The following MLXIPL variants were observed in gnomAD, a reference collection of about 807,000 sequenced individuals.
The protein encoded by MLXIPL is MLX interacting protein like.
In MLXIPL, 49 loss-of-function variants were observed where a neutral mutation model predicts 81.5. That is an observed-to-expected ratio of 0.60 (90% CI 0.48 to 0.76). The LOEUF (loss-of-function observed/expected upper bound fraction) is 0.76. Among genes scored for constraint, MLXIPL ranks in the 30% least tolerant of loss-of-function variants. The probability of loss-of-function intolerance (pLI) is 0.00; values close to 1 mark genes in which losing one functional copy is unlikely to be tolerated. For missense variants in MLXIPL, 1,053 were observed against 1,167.0 expected, an observed-to-expected ratio of 0.90 and a Z score of 1.42; for synonymous variants, 466 against 485.5, an observed-to-expected ratio of 0.96 and a Z score of 0.53.
At position 73,596,066 on chromosome 7, in the gene MLXIPL, C is replaced by T. The variant is rs565316911; in HGVS notation, c.2058+87G>A. ...TGGGAGGAGGCAAGAGTGTCTGGAG[C>T]ACTCCCCTGCAATTGAGTTTTGGGT... On this transcript the variant is annotated intron_variant, in intron 13 of 16. Coordinates refer to ENST00000313375, the MANE Select transcript of MLXIPL (RefSeq NM_032951.3). The surrounding 1 kb of genome is among the most constrained non-coding windows in gnomAD (Gnocchi z 4.7). The T allele has an allele frequency of 2.3e-5, 37 of 1,597,680 alleles. No homozygotes were observed. The South Asian group carries it at 3.9e-4, about 17-fold the overall frequency.
chr7:73,633,080 C>CTTTT, the MLXIPL span, among the ~76,000 whole-genome samples: 3 of 135,276 alleles, frequency 2.2e-5, no homozygotes, highest in Non-Finnish European at 3.2e-5. Flanking sequence ...CCCACCCTAC[C>CTTTT]TTTTTTTTTT....
intron 2 of MLXIPL, among the ~76,000 whole-genome samples, chr7:73,612,060 T>G (rs1363459206): frequency 6.6e-6 from 1 of 152,090 alleles, no homozygotes; most frequent in African/African-American, 2.4e-5. Context: ...GTGTGGTGGC[T>G]CACGCCTGTA....
chr7:73,606,016 A>C lies in MLXIPL; in HGVS notation c.714T>G (p.Gly238=). The change falls in exon 6 of 17, where the codon GGT becomes GGG. Residue 238 remains glycine (G), a synonymous_variant. Coordinates refer to ENST00000313375, the MANE Select transcript of MLXIPL (RefSeq NM_032951.3). ...AATTGAGGTCCAGGAGCTGCCGCCC[A>C]CCCGGCTCCTCCTCTGGGTCCCCCA... ...VLLGDPEEEP[G]GRQLLDLNCF... is the part of the protein sequence containing the mutation. 6 of 1,586,842 alleles carry C rather than the reference A, an allele frequency of 3.8e-6. No homozygotes were observed. Among genetic ancestry groups the C allele is most frequent in the Non-Finnish European group, 5.1e-6 (6 of 1,166,430 alleles).
intron 2 of MLXIPL, among the ~76,000 whole-genome samples, chr7:73,607,992 G>A (rs1305470466): frequency 1.3e-5 from 2 of 151,612 alleles, no homozygotes; most frequent in Admixed American, 1.3e-4. Flanking sequence ...GAGTAGCTGG[G>A]ATTACAGGCG....
chr7:73,607,722 C>G, intron 2 of MLXIPL, 50 bp from the exon 3 acceptor site: 7 of 1,540,890 alleles, frequency 4.5e-6, no homozygotes, highest in Non-Finnish European at 6.3e-6. Flanking sequence ...CATCCCCCAC[C>G]TCACCCCAGG....
In MLXIPL at chr7:73,596,367, G is replaced by T; in HGVS notation, c.1935C>A (p.Asn645Lys). The change falls in exon 12 of 17, where the codon AAC (asparagine) becomes AAA (lysine). Residue 645 changes from asparagine to lysine, a missense_variant. This residue lies in a region of MLXIPL where 823 missense variants were observed against 933.0 expected (regional missense o/e 0.88). Transcript: ENST00000313375. This position sits in a 1 kb window ranked among gnomAD's most constrained non-coding sequence, Gnocchi z 4.7. ...PILSRGRPDS[N>K]KTENRRITHI... ...TGGGGTGGGGGATGGTGCCCACCTT[G>T]TTGCTGTCTGGACGGCCCCGGCTGA... 1 of 1,613,048 alleles carries T rather than the reference G, an allele frequency of 6.2e-7. No homozygotes were observed. The highest frequency in any genetic ancestry group is 8.5e-7 in the Non-Finnish European group (1 of 1,179,894).
chr7:73,628,451 C>T (rs527704282), upstream of MLXIPL, among the ~76,000 whole-genome samples: 10 of 152,304 alleles, frequency 6.6e-5, no homozygotes, highest in South Asian at 1.9e-3. Context: ...TGCAAAACAT[C>T]CAAACACTAG....
intron 16 of MLXIPL, 122 bp from the exon 17 acceptor site, chr7:73,594,105 C>A (rs1794070077): frequency 1.4e-6 from 2 of 1,381,148 alleles, no homozygotes; most frequent in East Asian, 4.6e-5. Context: ...CCTCCTAGAA[C>A]CTCTGTCTAC....
intron 2 of MLXIPL, 141 bp from the exon 3 acceptor site, chr7:73,607,813 G>C: frequency 1.5e-6 from 1 of 652,972 alleles, no homozygotes; most frequent in East Asian, 2.8e-5. Flanking sequence ...GCCTCCTCCA[G>C]GAAGTCTTCT....
chr7:73,607,411 G>A lies in MLXIPL; in HGVS notation c.493C>T (p.Leu165=). The change falls in exon 4 of 17, where the codon CTG becomes TTG. Residue 165 remains leucine, a synonymous_variant. Transcript: ENST00000313375. ...DAHRKPEAVV[L]EGNYWKRRIE... Reference sequence around the variant, plus strand: ...CGCCGCTTCCAGTAGTTCCCCTCCAGGACCACGGCCTGGGGTAGGGGCCGG... The same window carrying A: ...CGCCGCTTCCAGTAGTTCCCCTCCAAGACCACGGCCTGGGGTAGGGGCCGG... 1 of 1,557,570 alleles carries A rather than the reference G, an allele frequency of 6.4e-7. No homozygotes were observed.
rs1326778566 is a variant in MLXIPL at position 73,624,256 on chromosome 7, C to T, written c.237G>A (p.Pro79=). The change falls in exon 1 of 17, where the codon CCG becomes CCA. Residue 79 remains proline (P), a synonymous_variant. Coordinates refer to ENST00000313375, the MANE Select transcript of MLXIPL (RefSeq NM_032951.3). ...GTGTGAGTGTGGGGTCGATACTGCG[C>T]GGCCCGAAGTCGGAGGGCCCCACGG... ...EGSVGPSDFG[P]RSIDPTLTRL... 6.3e-7 allele frequency: 1 copy of T among 1,596,068 alleles called. No homozygotes were observed.
chr7:73,607,386 C>A lies in MLXIPL; in HGVS notation c.518G>T (p.Arg173Leu). Residue 173 changes from arginine to leucine, a missense_variant, in exon 4 of 17, where the codon CGC becomes CTC. This residue lies in a region of MLXIPL where 823 missense variants were observed against 933.0 expected (regional missense o/e 0.88). Coordinates refer to ENST00000313375, the MANE Select transcript of MLXIPL (RefSeq NM_032951.3). ...VVLEGNYWKR[R>L]IEVVMREYHK... ...GTATTCCCGCATCACCACCTCGATG[C>A]GCCGCTTCCAGTAGTTCCCCTCCAG... is the stretch of plus-strand genomic sequence containing the variant. 6.4e-7 allele frequency: 1 copy of A among 1,563,732 alleles called. No individual in the cohort carries two copies.
intron 8 of MLXIPL, 85 bp from the exon 9 acceptor site, chr7:73,597,798 G>T: frequency 9.4e-7 from 1 of 1,062,536 alleles, no homozygotes; most frequent in Non-Finnish European, 1.2e-6. Flanking sequence ...GCCCTGCCTT[G>T]CCCTGGCCAA....
In MLXIPL at chr7:73,596,228, C is replaced by T. The variant is rs1554593733; in HGVS notation, c.1983G>A (p.Arg661=). Reference sequence around the variant, plus strand: ...CAAACCCCAGCTTGATGTTGAAGCGCCGCTTCTGCTCCGCGGAGATGTGTG... The same window carrying T: ...CAAACCCCAGCTTGATGTTGAAGCGTCGCTTCTGCTCCGCGGAGATGTGTG... ...RITHISAEQK[R]RFNIKLGFDT... Residue 661 remains arginine, a synonymous_variant, in exon 13 of 17, where the codon CGG becomes CGA. Coordinates refer to ENST00000313375, the MANE Select transcript of MLXIPL (RefSeq NM_032951.3). The surrounding 1 kb of genome is among the most constrained non-coding windows in gnomAD (Gnocchi z 4.7). 1.2e-6 allele frequency: 2 copies of T among 1,613,520 alleles called. No homozygotes were observed. The highest frequency in any genetic ancestry group is 3.3e-5 in the Admixed American group (2 of 59,970).
At position 73,596,028 on chromosome 7, in the gene MLXIPL, T is replaced by G; in HGVS notation, c.2059-59A>C. The G allele has an allele frequency of 6.2e-7, 1 of 1,606,886 alleles. No homozygotes were observed. The highest frequency in any genetic ancestry group is 8.5e-7 in the Non-Finnish European group (1 of 1,178,790). ...CTAGAGGCTGTACCCTGGGACCCAC[T>G]GAGGCACTGGGATGGGAGGAGGCAA... On this transcript the variant is annotated intron_variant, in intron 13 of 16. Coordinates refer to ENST00000313375, the MANE Select transcript of MLXIPL (RefSeq NM_032951.3). This position sits in a 1 kb window ranked among gnomAD's most constrained non-coding sequence, Gnocchi z 4.7.
At chr7:73,605,648 C>G (rs373900853) in intron 7 of MLXIPL, 40 bp downstream of exon 7, 23 of 1,604,970 alleles carry the variant, frequency 1.4e-5, no homozygotes, top group Non-Finnish European at 2.0e-5. Flanking sequence ...CTCACACAGA[C>G]CCTGCCCGTC....
upstream of MLXIPL, among the ~76,000 whole-genome samples, chr7:73,626,623 A>C (rs185857816): frequency 5.6e-4 from 85 of 152,272 alleles, no homozygotes; most frequent in African/African-American, 1.9e-3. Context: ...CTGACACCTC[A>C]CTGGAGCGTT....
intron 1 of MLXIPL, among the ~76,000 whole-genome samples, chr7:73,621,065 A>G (rs1450887738): frequency 6.6e-5 from 10 of 151,382 alleles, no homozygotes; most frequent in Non-Finnish European, 1.5e-5. Context: ...ATAAATAAAT[A>G]AATAAATAAA....
Position 73,593,405 on chromosome 7 carries a change from C to A in MLXIPL, c.*460G>T, listed in dbSNP as rs1302194606. On this transcript the variant is annotated 3_prime_UTR_variant, in exon 17 of 17. Transcript: ENST00000313375. The stretch of plus-strand genomic sequence containing the variant: ...GTGAAGGAGCAGAGAGAGGGAACCT[C>A]CTTTTCTGCTTCTCTGCTCAGGAAC... 1.2e-5 allele frequency: 3 copies of A among 243,238 alleles called. No individual in the cohort carries two copies. Among genetic ancestry groups the A allele is most frequent in the African/African-American group, 6.7e-5 (3 of 44,560 alleles). The allele number at this position is 243,238 out of a possible 1,614,324, so 15.1% of individuals were successfully genotyped here.
Sources: gnomAD v4.1 joint callset for allele counts (sites outside exome capture counted in the v4.1 genomes callset) on GRCh38, gnomAD v4.1.1 for gene constraint, gnomAD v4.1.1 regional missense constraint, Gnocchi (gnomAD v3.1) non-coding constraint, MANE v1.5 for transcripts, NCBI Gene and HGNC (gene_info 2026-07-23, HGNC 2026-07-21) for gene names.